Variants in NCALD observed in about 807,000 individuals in gnomAD.
The protein encoded by NCALD is neurocalcin delta.
NCALD carries 10 observed loss-of-function variants against 18.6 expected under a neutral mutation model. The ratio of observed to expected loss-of-function variants is 0.54; its 90% CI spans 0.33 to 0.91. The LOEUF (loss-of-function observed/expected upper bound fraction) is 0.91, where lower values mean the gene tolerates loss of function less well. Among genes scored for constraint, NCALD ranks in the 40% least tolerant of loss-of-function variants. The probability of loss-of-function intolerance (pLI) is 0.03; values close to 1 mark genes in which losing one functional copy is unlikely to be tolerated. For missense variants in NCALD, 184 were observed against 247.6 expected (o/e 0.74, Z 1.72); for synonymous variants, 88 against 87.4 (o/e 1.01, Z -0.04).
intron 4 of NCALD, among the ~76,000 whole-genome samples, chr8:101,841,662 C>G (rs1246544010): frequency 6.6e-6 from 1 of 152,184 alleles, no homozygotes; most frequent in South Asian, 2.1e-4. Context: ...CCCCAAAGTT[C>G]TGTAAGCGTC....
intron 1 of NCALD, among the ~76,000 whole-genome samples, chr8:101,785,306 A>C (rs915946567): frequency 1.3e-5 from 2 of 152,208 alleles, no homozygotes; most frequent in Non-Finnish European, 2.9e-5. Context: ...CCAGAAGTAG[A>C]AGATTAATAA....
intron 2 of NCALD, among the ~76,000 whole-genome samples, chr8:101,982,063 A>T (rs991867540): frequency 1.3e-5 from 2 of 152,052 alleles, no homozygotes; most frequent in African/African-American, 4.8e-5. Flanking sequence ...TCCCACTCTC[A>T]TCATATGATG....
At chr8:102,065,181 A>G in intron 1 of NCALD, among the ~76,000 whole-genome samples, 1 of 152,096 alleles carries the variant, frequency 6.6e-6, no homozygotes, top group East Asian at 1.9e-4. Context: ...AGAAATGCTG[A>G]GCGGCTGCAA....
chr8:101,862,747 A>C (rs77155286), intron 4 of NCALD, among the ~76,000 whole-genome samples: 2,655 of 152,296 alleles, frequency 0.017, 27 homozygotes, highest in Non-Finnish European at 0.022. Context: ...GGGAAGAGTC[A>C]ATGTTAGGTC....
chr8:102,062,371 A>C (rs1271960092), intron 1 of NCALD, among the ~76,000 whole-genome samples: 1 of 152,226 alleles, frequency 6.6e-6, no homozygotes, highest in Non-Finnish European at 1.5e-5. Context: ...TAAAGCTTTC[A>C]TCAGATAAAT....
intron 1 of NCALD, among the ~76,000 whole-genome samples, chr8:101,777,913 T>C (rs1811860130): frequency 6.6e-6 from 1 of 152,118 alleles, no homozygotes; most frequent in Non-Finnish European, 1.5e-5. Context: ...TAAAAGAGAT[T>C]TTAGAGAGAG....
chr8:101,739,778 T>C (rs60906749), intron 1 of NCALD, among the ~76,000 whole-genome samples: 4,560 of 152,304 alleles, frequency 0.03, 232 homozygotes, highest in African/African-American at 0.1. Context: ...TTTGAGGTTT[T>C]AGGGCTTGGA....
intron 4 of NCALD, among the ~76,000 whole-genome samples, chr8:101,859,652 C>T (rs1430211912): frequency 6.6e-6 from 1 of 151,912 alleles, no homozygotes; most frequent in African/African-American, 2.4e-5. Flanking sequence ...TTTGGAGACA[C>T]AATTTAAGAA....
intron 4 of NCALD, among the ~76,000 whole-genome samples, chr8:101,837,067 C>T (rs1814443204): frequency 1.3e-5 from 2 of 152,192 alleles, no homozygotes; most frequent in Non-Finnish European, 1.5e-5. Flanking sequence ...CCCTGCTTTG[C>T]TAGGGTTACA....
chr8:101,883,681 G>T (rs1416659333), intron 4 of NCALD, among the ~76,000 whole-genome samples: 3 of 152,182 alleles, frequency 2.0e-5, no homozygotes, highest in Non-Finnish European at 4.4e-5. Context: ...TAACTAAACA[G>T]AAGAATAACC....
intron 4 of NCALD, among the ~76,000 whole-genome samples, chr8:101,843,754 G>T (rs1174980414): frequency 6.6e-6 from 1 of 151,672 alleles, no homozygotes; most frequent in African/African-American, 2.4e-5. Flanking sequence ...GCTAATTTTT[G>T]TATTTTCTGT....
chr8:101,871,847 C>T (rs1048190255), intron 4 of NCALD: 3 of 533,720 alleles, frequency 5.6e-6, no homozygotes, highest in South Asian at 2.4e-5. Flanking sequence ...CCCTTGGAAT[C>T]GCTGTCCCTC....
intron 2 of NCALD, among the ~76,000 whole-genome samples, chr8:102,017,600 C>T (rs1451022031): frequency 6.6e-6 from 1 of 152,140 alleles, no homozygotes; most frequent in South Asian, 2.1e-4. Context: ...GAGGCTGACG[C>T]AGGAGAATTG....
chr8:101,691,852 T>C (rs755035921), intron 3 of NCALD: 5 of 985,304 alleles, frequency 5.1e-6, no homozygotes, highest in African/African-American at 1.7e-5. Context: ...CCCAAGTGCC[T>C]GTGCACATGG....
intron 2 of NCALD, among the ~76,000 whole-genome samples, chr8:102,008,380 T>A (rs1821781977): frequency 6.6e-6 from 1 of 151,952 alleles, no homozygotes; most frequent in Non-Finnish European, 1.5e-5. Context: ...TAAGAACTGA[T>A]TTTTTTAAAA....
chr8:101,889,810 A>G (rs1816806577), intron 3 of NCALD, among the ~76,000 whole-genome samples: 1 of 152,202 alleles, frequency 6.6e-6, no homozygotes, highest in African/African-American at 2.4e-5. Context: ...CAGGGTTCTC[A>G]TGAAGTGTGG....
chr8:101,902,276 T>A (rs1040846445), intron 3 of NCALD, among the ~76,000 whole-genome samples: 2 of 117,210 alleles, frequency 1.7e-5, no homozygotes, highest in South Asian at 2.6e-4. Flanking sequence ...CACTGAGTTT[T>A]TTTTTTTTTT....
intron 1 of NCALD, among the ~76,000 whole-genome samples, chr8:101,758,849 TAATTTG>T (rs1810996209): frequency 6.6e-6 from 1 of 152,140 alleles, no homozygotes; most frequent in Non-Finnish European, 1.5e-5. Flanking sequence ...TTTTGTAGTT[TAATTTG>T]AATCTGTGCA....
At chr8:101,970,982 G>A (rs1820218898) in intron 2 of NCALD, among the ~76,000 whole-genome samples, 2 of 152,112 alleles carry the variant, frequency 1.3e-5, no homozygotes, top group South Asian at 2.1e-4. Context: ...GACTGGATTA[G>A]TTGTTATAAA....
Sources: gnomAD v4.1 joint callset for allele counts (sites outside exome capture counted in the v4.1 genomes callset) on GRCh38, gnomAD v4.1.1 for gene constraint, MANE v1.5 for transcripts, NCBI Gene and HGNC (gene_info 2026-07-23, HGNC 2026-07-21) for gene names.